The following PPP1R8 variants were observed in gnomAD, a reference collection of about 807,000 sequenced individuals.
PPP1R8 encodes nuclear inhibitor of protein phosphatase 1.
A neutral mutation model predicts 31.3 loss-of-function variants in PPP1R8; 4 were observed. The observed-to-expected ratio is 0.13, with a 90% CI of 0.06 to 0.29. The LOEUF (loss-of-function observed/expected upper bound fraction) is 0.29. Ranked by LOEUF, PPP1R8 falls within the 10% of genes least tolerant of loss-of-function variation. PPP1R8 has a pLI of 1.00. For missense variants in PPP1R8, 254 were observed against 440.1 expected (o/e 0.58, Z 3.78); for synonymous variants, 170 against 169.7 (o/e 1.00, Z -0.01).
intron 2 of PPP1R8, 68 bp downstream of exon 2, chr1:27,832,884 C>T: frequency 7.6e-7 from 1 of 1,312,114 alleles, no homozygotes; most frequent in Non-Finnish European, 1.1e-6. Context: ...CTCACTTTTC[C>T]ACCCCCTCTC....
intron 1 of PPP1R8, chr1:27,831,157 G>A (rs2089099561): frequency 1.6e-6 from 2 of 1,243,186 alleles, no homozygotes; most frequent in African/African-American, 1.6e-5. Context: ...GCCAGTCGCC[G>A]GAGCGCTTCG....
intron 5 of PPP1R8, 55 bp downstream of exon 5, chr1:27,843,385 G>C: frequency 1.9e-6 from 3 of 1,609,060 alleles, no homozygotes; most frequent in Non-Finnish European, 2.5e-6. Context: ...GCCCGGGCGC[G>C]GTGGCTCACG....
At chr1:27,846,915 G>A in intron 5 of PPP1R8, 113 bp from the exon 6 acceptor site, 1 of 893,970 alleles carries the variant, frequency 1.1e-6, no homozygotes, top group Non-Finnish European at 1.9e-6. Flanking sequence ...AGCACTCTCT[G>A]TGTTTTACAA....
At chr1:27,842,593 G>A (rs2089234005) in intron 4 of PPP1R8, among the ~76,000 whole-genome samples, 1 of 152,154 alleles carries the variant, frequency 6.6e-6, no homozygotes, top group Non-Finnish European at 1.5e-5. Flanking sequence ...ATTGGGAAGA[G>A]GCAAGCAACA....
At position 27,841,189 on chromosome 1, in the gene PPP1R8, A is replaced by T; in HGVS notation, c.447A>T (p.Glu149Asp). The change falls in exon 4 of 7, where the codon GAA becomes GAT. Residue 149 changes from glutamate to aspartate, a missense_variant. Transcript: ENST00000311772. The stretch of plus-strand genomic sequence containing the variant: ...AGAAGATGGGTGGAGAGGATGATGA[A>T]CTCAAGGGCTTACTGGGGCTTCCAG... ...GDEKMGGEDD[E>D]LKGLLGLPEE... 6.2e-7 allele frequency: 1 copy of T among 1,614,200 alleles called. No individual in the cohort carries two copies. Among genetic ancestry groups the T allele is most frequent in the Non-Finnish European group, 8.5e-7 (1 of 1,180,038 alleles).
chr1:27,839,922 A>G lies in PPP1R8; in HGVS notation c.271+1070A>G, dbSNP rs1056667021. Among the ~76,000 whole-genome samples the G allele has an allele frequency of 7.2e-5, 11 of 152,020 alleles. No individual in the cohort carries two copies. In the East Asian group the frequency reaches 1.7e-3, roughly 24 times the overall value. Reference sequence around the variant, plus strand: ...AAAAAAATACAAAAAGTAGCCCTGTATTGTGGAGTGCGCTATGGTCTCAGC... The same window carrying G: ...AAAAAAATACAAAAAGTAGCCCTGTGTTGTGGAGTGCGCTATGGTCTCAGC... On this transcript the variant is annotated intron_variant, in intron 3 of 6. Transcript: ENST00000311772.
intron 2 of PPP1R8, among the ~76,000 whole-genome samples, chr1:27,836,608 C>T (rs894730354): frequency 2.0e-5 from 3 of 151,954 alleles, no homozygotes; most frequent in East Asian, 1.9e-4. Context: ...TTAGTAGAGA[C>T]GGGGTTTCAC....
At chr1:27,842,632 A>C (rs2089234528) in intron 4 of PPP1R8, among the ~76,000 whole-genome samples, 1 of 152,206 alleles carries the variant, frequency 6.6e-6, no homozygotes, top group East Asian at 1.9e-4. Context: ...TTATTGAGAT[A>C]GTTATGAATA....
rs758397586 is a variant in PPP1R8 at position 27,844,819 on chromosome 1, G to A, written c.637+1489G>A. Among the ~76,000 whole-genome samples the A allele has an allele frequency of 1.7e-3, 223 of 132,774 alleles. 1 individual carries two copies. The highest frequency in any genetic ancestry group is 2.5e-3 in the Non-Finnish European group (165 of 64,874). 87.1% of individuals were successfully genotyped at this position (132,774 alleles called of 152,430 possible). A position where few individuals can be genotyped will look rare whatever the true frequency, so the allele number is the denominator to read the frequency against. On this transcript the variant is annotated intron_variant, in intron 5 of 6. Coordinates refer to ENST00000311772, the MANE Select transcript of PPP1R8 (RefSeq NM_014110.5). ...TGCAACCTCCGCCTCCTGGGTTCAC[G>A]CCATTTTCCTGCCTCAGCCTCCCGA...
chr1:27,850,321 G>A lies in PPP1R8; in HGVS notation c.931G>A (p.Val311Met), dbSNP rs143888758. Residue 311 changes from valine (V) to methionine (M), a missense_variant, in exon 7 of 7, where the codon GTG (valine) becomes ATG (methionine). Transcript: ENST00000311772. Reference sequence around the variant, plus strand: ...CTTGACTCCTGTTGTGCCGTCAGCAGTGAACATGAACCCTGCACCAAACCC... The same window carrying A: ...CTTGACTCCTGTTGTGCCGTCAGCAATGAACATGAACCCTGCACCAAACCC... ...VDLTPVVPSA[V>M]NMNPAPNPAV... The A allele has an allele frequency of 3.2e-5, 51 of 1,614,124 alleles. No homozygotes were observed. The highest frequency in any genetic ancestry group is 3.9e-5 in the Non-Finnish European group (46 of 1,180,064).
At chr1:27,836,555 C>T (rs1331409528) in intron 2 of PPP1R8, among the ~76,000 whole-genome samples, 9 of 152,142 alleles carry the variant, frequency 5.9e-5, no homozygotes, top group African/African-American at 2.2e-4. Flanking sequence ...GCTGGGACTA[C>T]AGGCACCTGC....
chr1:27,833,355 C>T (rs1048378770), intron 2 of PPP1R8, among the ~76,000 whole-genome samples: 6 of 152,128 alleles, frequency 3.9e-5, no homozygotes, highest in South Asian at 2.1e-4. Context: ...ATACAGATTG[C>T]AGCAGTAAGC....
chr1:27,843,412 T>C, intron 5 of PPP1R8, 82 bp downstream of exon 5: 1 of 1,562,088 alleles, frequency 6.4e-7, no homozygotes. Context: ...GTCCTAGCAC[T>C]TTGGGAGGCC....
chr1:27,850,350 A>G lies in PPP1R8; in HGVS notation c.960A>G (p.Ala320=). 1.2e-6 allele frequency: 2 copies of G among 1,614,204 alleles called. No individual in the cohort carries two copies. Among genetic ancestry groups the G allele is most frequent in the Non-Finnish European group, 8.5e-7 (1 of 1,180,038 alleles). ...ACATGAACCCTGCACCAAACCCTGC[A>G]GTCTATAACCCTGAAGCTGTAAATG... ...AVNMNPAPNP[A]VYNPEAVNEP... Residue 320 remains alanine (A), a synonymous_variant, in exon 7 of 7, where the codon GCA becomes GCG. Transcript: ENST00000311772.
chr1:27,850,468 G>A lies in PPP1R8; in HGVS notation c.*22G>A. The A allele has an allele frequency of 1.6e-6, 2 of 1,279,418 alleles. No individual in the cohort carries two copies. Among genetic ancestry groups the A allele is most frequent in the Non-Finnish European group, 2.2e-6 (2 of 908,512 alleles). The allele number at this position is 1,279,418 out of a possible 1,614,324, so 79.3% of individuals were successfully genotyped here. ...TTGATATTTTTGGTCATGGAGAAGG[G>A]TGGGATTGGGTGGGAATGGGGTGGA... On this transcript the variant is annotated 3_prime_UTR_variant, in exon 7 of 7. Coordinates refer to ENST00000311772, the MANE Select transcript of PPP1R8 (RefSeq NM_014110.5).
In PPP1R8 at chr1:27,830,949, A is replaced by AGG. The variant is rs953025478; in HGVS notation, c.56+60_56+61dup. The AGG allele has an allele frequency of 2.7e-6, 4 of 1,482,376 alleles. No individual in the cohort carries two copies. The African/African-American group carries it at 5.8e-5, about 21-fold the overall frequency. The allele number at this position is 1,482,376 out of a possible 1,614,324, so 91.8% of individuals were successfully genotyped here. ...CCGGCCGGAGCTAGCCTGGGCTGGAAGGGCGGCTCTTTTTTTACTTTTCTG... is the reference window on the plus strand; with the variant it reads ...CCGGCCGGAGCTAGCCTGGGCTGGAAGGGGGCGGCTCTTTTTTTACTTTTCTG... On this transcript the variant is annotated intron_variant, in intron 1 of 6. Transcript: ENST00000311772.
chr1:27,838,575 A>T (rs2089193365), intron 2 of PPP1R8, 124 bp from the exon 3 acceptor site: 2 of 522,860 alleles, frequency 3.8e-6, no homozygotes, highest in African/African-American at 2.0e-5. Context: ...ATGCAAGGAG[A>T]TGGAGTTTTT....
At chr1:27,843,700 C>T (rs149891537) in intron 5 of PPP1R8, among the ~76,000 whole-genome samples, 3,424 of 152,018 alleles carry the variant, frequency 0.023, 110 homozygotes, top group African/African-American at 0.076. Flanking sequence ...TGCCTATAAT[C>T]CCAGCACTTT....
At chr1:27,847,377 G>C (rs1299565135) in intron 6 of PPP1R8, among the ~76,000 whole-genome samples, 1 of 151,778 alleles carries the variant, frequency 6.6e-6, no homozygotes, top group Admixed American at 6.6e-5. Flanking sequence ...CGTGGTGGTA[G>C]GTCTCTGTAA....
Sources: gnomAD v4.1 joint callset for allele counts (sites outside exome capture counted in the v4.1 genomes callset) on GRCh38, gnomAD v4.1.1 for gene constraint, MANE v1.5 for transcripts, NCBI Gene and HGNC (gene_info 2026-07-23, HGNC 2026-07-21) for gene names.